The following GALNT18 variants were observed in gnomAD, a reference collection of about 807,000 sequenced individuals.
GALNT18 encodes GalNAc-transferase 18.
GALNT18 carries 44 observed loss-of-function variants against 69.5 expected under a neutral mutation model. That is an observed-to-expected ratio of 0.63 (90% CI 0.50 to 0.81). The LOEUF is 0.81. Ranked by LOEUF, GALNT18 falls within the 40% of genes least tolerant of loss-of-function variation. The pLI, the probability that GALNT18 is intolerant of heterozygous loss-of-function variation, is 0.00. For missense variants in GALNT18, 715 were observed against 810.0 expected, an observed-to-expected ratio of 0.88 and a Z score of 1.42; for synonymous variants, 364 against 318.2, an observed-to-expected ratio of 1.14 and a Z score of -1.53.
chr11:11,480,965 G>C lies in GALNT18; in HGVS notation c.236-32029C>G, dbSNP rs1295173240. On this transcript the variant is annotated intron_variant, in intron 1 of 10. Coordinates refer to ENST00000227756, the MANE Select transcript of GALNT18 (RefSeq NM_198516.3). This position sits in a 1 kb window ranked among gnomAD's most constrained non-coding sequence, Gnocchi z 4.6. ...TCATGTGACTGGGGAGCCCTTCTTT[G>C]TGGACACATCCCAGGACTGATGTGC... Among the ~76,000 whole-genome samples, 1 of 152,132 alleles carries C rather than the reference G, an allele frequency of 6.6e-6. No individual in the cohort carries two copies. The highest frequency in any genetic ancestry group is 1.9e-4 in the East Asian group (1 of 5,190).
At chr11:11,381,993 A>T (rs1350695233) in intron 3 of GALNT18, among the ~76,000 whole-genome samples, 1 of 152,230 alleles carries the variant, frequency 6.6e-6, no homozygotes. Flanking sequence ...GATGCACAGG[A>T]AATGCAATCA....
chr11:11,419,321 G>A (rs1294500606), intron 3 of GALNT18, among the ~76,000 whole-genome samples: 1 of 152,026 alleles, frequency 6.6e-6, no homozygotes, highest in Non-Finnish European at 1.5e-5. Context: ...AAGTGGCCAG[G>A]CATGGTGGCT....
At position 11,620,341 on chromosome 11, in the gene GALNT18, G is replaced by A. The variant is rs1266601884; in HGVS notation, c.235+1018C>T. Among the ~76,000 whole-genome samples the A allele has an allele frequency of 6.6e-6, 1 of 151,874 alleles. No homozygotes were observed. Among genetic ancestry groups the A allele is most frequent in the Non-Finnish European group, 1.5e-5 (1 of 67,936 alleles). On this transcript the variant is annotated intron_variant, in intron 1 of 10. Coordinates refer to ENST00000227756, the MANE Select transcript of GALNT18 (RefSeq NM_198516.3). The surrounding 1 kb of genome is among the most constrained non-coding windows in gnomAD (Gnocchi z 6.9). ...AGCGCGCGCGCGCGCGCGTGTGTGT[G>A]TGTGTGTGCACACCCGGCACCAGTG...
rs1165224133 is a variant in GALNT18, at chr11:11,396,321, A to G, written c.596-17057T>C. 6.6e-6 allele frequency among the ~76,000 whole-genome samples: 1 copy of G among 152,188 alleles called. No homozygotes were observed. Among genetic ancestry groups the G allele is most frequent in the African/African-American group, 2.4e-5 (1 of 41,448 alleles). On this transcript the variant is annotated intron_variant, in intron 3 of 10. Coordinates refer to ENST00000227756, the MANE Select transcript of GALNT18 (RefSeq NM_198516.3). The surrounding 1 kb of genome is among the most constrained non-coding windows in gnomAD (Gnocchi z 5.2). ...CAAGACATGGATCAAGAAGGGCAAC[A>G]TTTCGAGAGGTGAGGAAGAGAGAGT...
chr11:11,560,150 A>T (rs66673102), intron 1 of GALNT18, among the ~76,000 whole-genome samples: 1,046 of 17,618 alleles, frequency 0.059, 153 homozygotes, highest in Middle Eastern at 0.21. Flanking sequence ...AGAATGGGAT[A>T]TGATGGGATG....
chr11:11,271,068 C>T lies in GALNT18; in HGVS notation c.*76G>A. Reference sequence around the variant, plus strand: ...CCTGGTTCCCCAGACTCCAAACAACCCCACGTGGACAGCAGGCAACGTTGC... The same window carrying T: ...CCTGGTTCCCCAGACTCCAAACAACTCCACGTGGACAGCAGGCAACGTTGC... On this transcript the variant is annotated 3_prime_UTR_variant, in exon 11 of 11. Transcript: ENST00000227756. 1 of 1,414,866 alleles carries T rather than the reference C, an allele frequency of 7.1e-7. No homozygotes were observed. The highest frequency in any genetic ancestry group is 2.3e-5 in the East Asian group (1 of 42,892). The allele number at this position is 1,414,866 out of a possible 1,614,324, so 87.6% of individuals were successfully genotyped here.
At chr11:11,474,353 T>C (rs145305472) in intron 1 of GALNT18, among the ~76,000 whole-genome samples, 2 of 152,056 alleles carry the variant, frequency 1.3e-5, no homozygotes, top group African/African-American at 4.8e-5. Context: ...ACGAGTGTGA[T>C]TGGCTGAGAG....
In GALNT18 at chr11:11,347,489, T is replaced by C. The variant is rs987553077; in HGVS notation, c.1093-6485A>G. ...TCTGTCCAGTCTCAGTGGAGAAGTA[T>C]GCCACAATTTATTCATTACGGTTAC... On this transcript the variant is annotated intron_variant, in intron 6 of 10. Coordinates refer to ENST00000227756, the MANE Select transcript of GALNT18 (RefSeq NM_198516.3). The surrounding 1 kb of genome is among the most constrained non-coding windows in gnomAD (Gnocchi z 4.0). Among the ~76,000 whole-genome samples the C allele has an allele frequency of 6.6e-6, 1 of 152,220 alleles. No homozygotes were observed. The highest frequency in any genetic ancestry group is 1.5e-5 in the Non-Finnish European group (1 of 68,050).
Position 11,459,890 on chromosome 11 carries a change from A to G in GALNT18, c.236-10954T>C, listed in dbSNP as rs554265932. On this transcript the variant is annotated intron_variant, in intron 1 of 10. Coordinates refer to ENST00000227756, the MANE Select transcript of GALNT18 (RefSeq NM_198516.3). The surrounding 1 kb of genome is among the most constrained non-coding windows in gnomAD (Gnocchi z 5.0). Reference sequence around the variant, plus strand: ...ACCGGGCTAAAATCAAGGTGTTGGTAGGGCCATTCTCCTTTCTGGAAGCTC... The same window carrying G: ...ACCGGGCTAAAATCAAGGTGTTGGTGGGGCCATTCTCCTTTCTGGAAGCTC... Among the ~76,000 whole-genome samples, 1 of 152,288 alleles carries G rather than the reference A, an allele frequency of 6.6e-6. No homozygotes were observed. Among genetic ancestry groups the G allele is most frequent in the Non-Finnish European group, 1.5e-5 (1 of 68,010 alleles).
At chr11:11,381,372 C>G (rs984205354) in intron 3 of GALNT18, among the ~76,000 whole-genome samples, 1 of 152,222 alleles carries the variant, frequency 6.6e-6, no homozygotes, top group African/African-American at 2.4e-5. Flanking sequence ...CAAATCCCCT[C>G]TCTTCCCCAT....
rs1854493191 is a variant in GALNT18 at position 11,402,610 on chromosome 11, T to A, written c.596-23346A>T. ...AGAAGGATTGCACATGGCATGGCTT[T>A]CTGTCCTCAAACTTCATTATCTCAA... On this transcript the variant is annotated intron_variant, in intron 3 of 10. Transcript: ENST00000227756. The surrounding 1 kb of genome is among the most constrained non-coding windows in gnomAD (Gnocchi z 4.0). Among the ~76,000 whole-genome samples the A allele has an allele frequency of 6.6e-6, 1 of 152,238 alleles. No homozygotes were observed. Among genetic ancestry groups the A allele is most frequent in the South Asian group, 2.1e-4 (1 of 4,836 alleles).
intron 1 of GALNT18, among the ~76,000 whole-genome samples, chr11:11,490,200 TTC>T (rs71037025): frequency 0.021 from 2,745 of 130,674 alleles, 41 homozygotes; most frequent in African/African-American, 0.053. Flanking sequence ...CCTTCACTCA[TTC>T]TCTCTCTCTC....
In GALNT18 at chr11:11,538,438, G is replaced by A. The variant is rs929878641; in HGVS notation, c.235+82921C>T. Reference sequence around the variant, plus strand: ...CCCAGACGTGGACACCAGCCAACATGCTGGGCTGACTCCAGCTCCCAGAGG... The same window carrying A: ...CCCAGACGTGGACACCAGCCAACATACTGGGCTGACTCCAGCTCCCAGAGG... On this transcript the variant is annotated intron_variant, in intron 1 of 10. Coordinates refer to ENST00000227756, the MANE Select transcript of GALNT18 (RefSeq NM_198516.3). The surrounding 1 kb of genome is among the most constrained non-coding windows in gnomAD (Gnocchi z 5.2). 1.3e-5 allele frequency among the ~76,000 whole-genome samples: 2 copies of A among 152,352 alleles called. No individual in the cohort carries two copies. The highest frequency in any genetic ancestry group is 3.9e-4 in the East Asian group (2 of 5,168).
chr11:11,612,258 T>C (rs943028549), intron 1 of GALNT18, among the ~76,000 whole-genome samples: 4 of 152,210 alleles, frequency 2.6e-5, no homozygotes, highest in Non-Finnish European at 5.9e-5. Context: ...ATTTGTTCAT[T>C]GAAATAAATA....
intron 1 of GALNT18, among the ~76,000 whole-genome samples, chr11:11,531,437 T>A (rs900353015): frequency 7.2e-5 from 11 of 152,194 alleles, no homozygotes; most frequent in African/African-American, 2.4e-4. Context: ...TGTACATAAG[T>A]GTATGCGAGT....
intron 6 of GALNT18, among the ~76,000 whole-genome samples, chr11:11,370,889 C>T (rs1198326814): frequency 2.6e-5 from 4 of 152,130 alleles, no homozygotes; most frequent in Non-Finnish European, 2.9e-5. Context: ...GACAGCAGCT[C>T]CTCGTGAAAA....
intron 1 of GALNT18, among the ~76,000 whole-genome samples, chr11:11,568,513 A>G (rs997765621): frequency 6.6e-6 from 1 of 151,930 alleles, no homozygotes; most frequent in Admixed American, 6.6e-5. Context: ...TTAAGGGGGG[A>G]AAAAGGTAGG....
At position 11,616,180 on chromosome 11, in the gene GALNT18, T is replaced by A. The variant is rs147057558; in HGVS notation, c.235+5179A>T. ...GAACAATAAGCAAGGACACAAATAG[T>A]CCCACAAGATAAAACAAATACCAGG... On this transcript the variant is annotated intron_variant, in intron 1 of 10. Coordinates refer to ENST00000227756, the MANE Select transcript of GALNT18 (RefSeq NM_198516.3). The surrounding 1 kb of genome is among the most constrained non-coding windows in gnomAD (Gnocchi z 4.4). 6.6e-6 allele frequency among the ~76,000 whole-genome samples: 1 copy of A among 152,146 alleles called. No individual in the cohort carries two copies. Among genetic ancestry groups the A allele is most frequent in the Non-Finnish European group, 1.5e-5 (1 of 67,996 alleles).
In GALNT18 at chr11:11,366,253, T is replaced by C. The variant is rs565765388; in HGVS notation, c.1092+6262A>G. Among the ~76,000 whole-genome samples, 23 of 152,342 alleles carry C rather than the reference T, an allele frequency of 1.5e-4. No homozygotes were observed. In the South Asian group the frequency reaches 4.4e-3, roughly 29 times the overall value. The stretch of plus-strand genomic sequence containing the variant: ...CTCTTTAAGTTAGGTTGAGTCAGTT[T>C]TCTTAGCTTGCAACACAGGTTCCTG... On this transcript the variant is annotated intron_variant, in intron 6 of 10. Transcript: ENST00000227756.
Sources: allele counts gnomAD v4.1 joint callset (sites outside exome capture counted in the v4.1 genomes callset), GRCh38; gene constraint gnomAD v4.1.1; non-coding constraint Gnocchi (gnomAD v3.1); transcripts MANE v1.5; gene names NCBI Gene and HGNC (gene_info 2026-07-23, HGNC 2026-07-21).